Variants in EP300 observed in about 807,000 individuals in gnomAD.
The protein encoded by EP300 is histone acetyltransferase p300.
Under a neutral mutation model 264.0 loss-of-function variants are expected in EP300, and 31 were observed. The ratio of observed to expected loss-of-function variants is 0.12; its 90% CI spans 0.09 to 0.16. The LOEUF (loss-of-function observed/expected upper bound fraction) is 0.16. Ranked by LOEUF, EP300 falls within the 10% of genes least tolerant of loss-of-function variation. The pLI is 1.00. For missense variants in EP300, 2,766 were observed against 3,052.9 expected, an observed-to-expected ratio of 0.91 and a Z score of 2.21; for synonymous variants, 1,340 against 1,045.4, an observed-to-expected ratio of 1.28 and a Z score of -5.44.
At chr22:41,151,432 T>C (rs1287799000) in intron 14 of EP300, among the ~76,000 whole-genome samples, 1 of 152,238 alleles carries the variant, frequency 6.6e-6, no homozygotes, top group African/African-American at 2.4e-5. Flanking sequence ...ATTATATTTA[T>C]TGTCTCCTTT....
chr22:41,168,199 A>C, intron 23 of EP300: 1 of 500,462 alleles, frequency 2.0e-6, no homozygotes, highest in South Asian at 2.1e-5. Flanking sequence ...GATATTTAGA[A>C]ATTATTGAGT....
At chr22:41,164,812 A>G (rs1240750067) in intron 22 of EP300, among the ~76,000 whole-genome samples, 1 of 152,184 alleles carries the variant, frequency 6.6e-6, no homozygotes, top group African/African-American at 2.4e-5. Context: ...CCATTTGGTT[A>G]GGGCAGGAAC....
At chr22:41,166,707 C>T (rs752947026) in intron 23 of EP300, 41 bp downstream of exon 23, 3 of 1,403,052 alleles carry the variant, frequency 2.1e-6, no homozygotes, top group Non-Finnish European at 3.0e-6. Flanking sequence ...CAAAACTTAT[C>T]TGAAGCCTAG....
intron 1 of EP300, among the ~76,000 whole-genome samples, chr22:41,113,793 A>G (rs553513991): frequency 2.8e-3 from 423 of 152,224 alleles, no homozygotes; most frequent in Non-Finnish European, 5.1e-3. Flanking sequence ...TGATCCGCCC[A>G]CCTCGGCCTC....
chr22:41,178,002 A>C lies in EP300; in HGVS notation c.6291A>C (p.Pro2097=), dbSNP rs1486224909. 7 of 1,614,158 alleles carry C rather than the reference A, an allele frequency of 4.3e-6. No individual in the cohort carries two copies. The highest frequency in any genetic ancestry group is 5.9e-6 in the Non-Finnish European group (7 of 1,180,014). The change falls in exon 31 of 31, where the codon CCA becomes CCC. Residue 2097 remains proline (P), a synonymous_variant. Coordinates refer to ENST00000263253, the MANE Select transcript of EP300 (RefSeq NM_001429.4). The part of the protein sequence containing the change: ...QRAAKYANSN[P]QPIPGQPGMP... ...CTGCCAAGTATGCCAACTCTAATCC[A>C]CAACCCATCCCTGGGCAGCCTGGCA...
rs769876342 is a variant in EP300 at position 41,141,038 on chromosome 22, A to G, written c.1879-10A>G. On this transcript the variant is annotated splice_polypyrimidine_tract_variant and intron_variant, in intron 9 of 30. Transcript: ENST00000263253. ...CTCATCTCCCTTATTTTACTTCAACAATTCAAAAGGCGGAATACTACCACC... is the reference window on the plus strand; with the variant it reads ...CTCATCTCCCTTATTTTACTTCAACGATTCAAAAGGCGGAATACTACCACC... The G allele has an allele frequency of 6.2e-7, 1 of 1,613,262 alleles. No homozygotes were observed. The highest frequency in any genetic ancestry group is 8.5e-7 in the Non-Finnish European group (1 of 1,179,666).
At chr22:41,141,360 A>T in intron 10 of EP300, 138 bp downstream of exon 10, 2 of 874,340 alleles carry the variant, frequency 2.3e-6, no homozygotes, top group Non-Finnish European at 3.5e-6. Flanking sequence ...AAAGAAAATA[A>T]CTCATCTACT....
intron 3 of EP300, among the ~76,000 whole-genome samples, chr22:41,126,715 C>T (rs1016450102): frequency 7.0e-6 from 1 of 142,298 alleles, no homozygotes; most frequent in African/African-American, 2.6e-5. Context: ...CATCTCTGTC[C>T]CGAGAAATGT....
intron 26 of EP300, 96 bp from the exon 27 acceptor site, chr22:41,170,310 T>C (rs532355968): frequency 8.9e-5 from 106 of 1,190,308 alleles, no homozygotes; most frequent in Admixed American, 3.6e-4. Context: ...GGAAAAATTA[T>C]TGGTATCTAT....
chr22:41,142,533 G>A (rs1171027614), intron 10 of EP300, among the ~76,000 whole-genome samples: 1 of 152,146 alleles, frequency 6.6e-6, no homozygotes, highest in Non-Finnish European at 1.5e-5. Flanking sequence ...AAAAAGTCAA[G>A]ATTAGAGTTG....
At chr22:41,105,266 G>T (rs2058752606) in intron 1 of EP300, among the ~76,000 whole-genome samples, 2 of 150,584 alleles carry the variant, frequency 1.3e-5, no homozygotes, top group African/African-American at 4.9e-5. Flanking sequence ...TACTCGGGAG[G>T]CTGAGGCAAG....
chr22:41,101,903 C>T (rs1283649638), intron 1 of EP300, among the ~76,000 whole-genome samples: 2 of 152,088 alleles, frequency 1.3e-5, no homozygotes, highest in East Asian at 1.9e-4. Context: ...AATTTTTTTA[C>T]AACACTTAAG....
At chr22:41,153,270 C>T (rs1428753203) in intron 16 of EP300, among the ~76,000 whole-genome samples, 1 of 152,098 alleles carries the variant, frequency 6.6e-6, no homozygotes, top group Admixed American at 6.5e-5. Flanking sequence ...CTGCAAAAGG[C>T]ACCAGGTAGG....
intron 10 of EP300, among the ~76,000 whole-genome samples, chr22:41,146,017 T>C (rs1043824823): frequency 6.6e-6 from 1 of 152,180 alleles, no homozygotes; most frequent in African/African-American, 2.4e-5. Context: ...GTTCACAGTT[T>C]ATGTGCATAA....
At chr22:41,131,703 G>T (rs2058920831) in intron 6 of EP300, 70 bp downstream of exon 6, 1 of 1,602,540 alleles carries the variant, frequency 6.2e-7, no homozygotes, top group Non-Finnish European at 8.5e-7. Flanking sequence ...ACACAGTGTT[G>T]TTAGCTCCTT....
chr22:41,164,345 C>G (rs1321727321), intron 22 of EP300, among the ~76,000 whole-genome samples: 1 of 152,158 alleles, frequency 6.6e-6, no homozygotes, highest in Non-Finnish European at 1.5e-5. Context: ...ATGCATTCTT[C>G]TTAGCCATAT....
chr22:41,171,326 G>A (rs2059169584), intron 27 of EP300, among the ~76,000 whole-genome samples: 1 of 151,726 alleles, frequency 6.6e-6, no homozygotes, highest in Non-Finnish European at 1.5e-5. Flanking sequence ...GGGTTGGTTA[G>A]GGTTTTAGGG....
At chr22:41,142,513 T>A (rs563532537) in intron 10 of EP300, among the ~76,000 whole-genome samples, 1 of 152,084 alleles carries the variant, frequency 6.6e-6, no homozygotes, top group Non-Finnish European at 1.5e-5. Context: ...AGAACAAATT[T>A]TCAGGAATGA....
At chr22:41,141,265 A>G in intron 10 of EP300, 43 bp downstream of exon 10, 1 of 1,582,274 alleles carries the variant, frequency 6.3e-7, no homozygotes, top group Non-Finnish European at 8.7e-7. Context: ...GAAATTGATA[A>G]TAAAATAGTT....
Sources: allele counts gnomAD v4.1 joint callset (sites outside exome capture counted in the v4.1 genomes callset), GRCh38; gene constraint gnomAD v4.1.1; transcripts MANE v1.5; gene names NCBI Gene and HGNC (gene_info 2026-07-23, HGNC 2026-07-21).